The following DCLK2 variants were observed in gnomAD, a reference collection of about 807,000 sequenced individuals.
DCLK2 encodes the protein doublecortin like kinase 2.
A neutral mutation model predicts 78.4 loss-of-function variants in DCLK2; 31 were observed. That is an observed-to-expected ratio of 0.40 (90% CI 0.30 to 0.53). DCLK2 has a LOEUF of 0.53. Ranked by LOEUF, DCLK2 falls within the 20% of genes least tolerant of loss-of-function variation. The pLI is 0.61. For missense variants in DCLK2, 872 were observed against 973.7 expected, an observed-to-expected ratio of 0.90 and a Z score of 1.39; for synonymous variants, 407 against 374.9, an observed-to-expected ratio of 1.09 and a Z score of -0.99.
At chr4:150,162,473 T>C (rs1319858894) in intron 2 of DCLK2, among the ~76,000 whole-genome samples, 1 of 152,202 alleles carries the variant, frequency 6.6e-6, no homozygotes, top group Non-Finnish European at 1.5e-5. Context: ...ACTTTCCTCA[T>C]AAAATTTCCA....
intron 2 of DCLK2, among the ~76,000 whole-genome samples, chr4:150,106,665 A>G (rs1731278283): frequency 1.3e-5 from 2 of 152,238 alleles, no homozygotes; most frequent in African/African-American, 4.8e-5. Context: ...TGACTGCATC[A>G]TGACACCTGT....
intron 5 of DCLK2, among the ~76,000 whole-genome samples, chr4:150,215,086 AT>A (rs1160768540): frequency 6.6e-6 from 1 of 152,180 alleles, no homozygotes; most frequent in Non-Finnish European, 1.5e-5. Context: ...TATTTCCTAG[AT>A]TCTGTTCAAG....
At position 150,105,529 on chromosome 4, in the gene DCLK2, G is replaced by A. The variant is rs1289658727; in HGVS notation, c.756+2717G>A. 3.3e-5 allele frequency among the ~76,000 whole-genome samples: 5 copies of A among 152,182 alleles called. No homozygotes were observed. The East Asian group carries it at 7.7e-4, about 23-fold the overall frequency. On this transcript the variant is annotated intron_variant, in intron 2 of 15. Transcript: ENST00000296550. ...GGTATTCTCAAATGGTGATGGAAGT[G>A]TAAAATTCATAAGCTTTATGAAAAG...
chr4:150,078,933 G>C lies in DCLK2; in HGVS notation c.-95G>C. On this transcript the variant is annotated 5_prime_UTR_variant, in exon 1 of 16. Coordinates refer to ENST00000296550, the MANE Select transcript of DCLK2 (RefSeq NM_001040260.4). ...ATGCCAGAGCCAGGTGTCCCGGCGC[G>C]TTAAGGGCCCTCGCAGTCAGACGTC... 1.4e-6 allele frequency: 2 copies of C among 1,396,624 alleles called. No homozygotes were observed. The highest frequency in any genetic ancestry group is 1.9e-6 in the Non-Finnish European group (2 of 1,066,724). 86.5% of individuals were successfully genotyped at this position (1,396,624 alleles called of 1,614,324 possible). A position where few individuals can be genotyped will look rare whatever the true frequency, so the allele number is the denominator to read the frequency against.
intron 2 of DCLK2, among the ~76,000 whole-genome samples, chr4:150,190,576 A>G (rs1269166300): frequency 6.6e-6 from 1 of 152,204 alleles, no homozygotes; most frequent in Admixed American, 6.5e-5. Flanking sequence ...TTCCGTATAC[A>G]TGAAGTGTCC....
At chr4:150,208,341 T>C (rs920866141) in intron 5 of DCLK2, among the ~76,000 whole-genome samples, 1 of 152,228 alleles carries the variant, frequency 6.6e-6, no homozygotes, top group Admixed American at 6.5e-5. Flanking sequence ...GTGTAAAAAC[T>C]GGAAGTAGTT....
chr4:150,246,666 T>A (rs903919653), intron 12 of DCLK2, among the ~76,000 whole-genome samples: 10 of 110,576 alleles, frequency 9.0e-5, no homozygotes, highest in Non-Finnish European at 2.1e-5. Context: ...TAGCCATCGA[T>A]GCACCCACCA....
chr4:150,242,186 C>T (rs934205216), intron 12 of DCLK2, among the ~76,000 whole-genome samples: 2 of 152,124 alleles, frequency 1.3e-5, no homozygotes, highest in Admixed American at 6.6e-5. Context: ...CTTTTGAAAG[C>T]CTTATGCTAT....
chr4:150,195,846 C>T (rs898247736), intron 3 of DCLK2, among the ~76,000 whole-genome samples: 20 of 151,890 alleles, frequency 1.3e-4, no homozygotes, highest in African/African-American at 4.6e-4. Flanking sequence ...ATAATAATGG[C>T]TATAAGGTTT....
intron 2 of DCLK2, among the ~76,000 whole-genome samples, chr4:150,146,678 A>G (rs1162137691): frequency 1.3e-5 from 2 of 152,178 alleles, no homozygotes; most frequent in Non-Finnish European, 2.9e-5. Flanking sequence ...AGTGCCTAGC[A>G]TAGTGCCTGC....
chr4:150,118,411 G>A (rs7665011), intron 2 of DCLK2, among the ~76,000 whole-genome samples: 59,225 of 151,966 alleles, frequency 0.39, 11,797 homozygotes, highest in Non-Finnish European at 0.42. Context: ...CTAGACAAAA[G>A]GATGACCCTT....
chr4:150,224,397 ATCTCT>A, intron 7 of DCLK2, 99 bp from the exon 8 acceptor site: 1 of 1,030,460 alleles, frequency 9.7e-7, no homozygotes, highest in Non-Finnish European at 1.4e-6. Flanking sequence ...ATGAGATCTC[ATCTCT>A]ACAAAAAAAA....
chr4:150,219,331 C>T (rs1275152265), intron 5 of DCLK2, among the ~76,000 whole-genome samples: 9 of 133,732 alleles, frequency 6.7e-5, no homozygotes, highest in Admixed American at 6.7e-4. Flanking sequence ...CACAGTGGTA[C>T]GATCTCAGCT....
At position 150,167,051 on chromosome 4, in the gene DCLK2, G is replaced by A. The variant is rs143366238; in HGVS notation, c.757-26087G>A. Among the ~76,000 whole-genome samples, 323 of 152,256 alleles carry A rather than the reference G, an allele frequency of 2.1e-3. 2 individuals carry two copies. In the Middle Eastern group the frequency reaches 0.031, roughly 15 times the overall value. On this transcript the variant is annotated intron_variant, in intron 2 of 15. Coordinates refer to ENST00000296550, the MANE Select transcript of DCLK2 (RefSeq NM_001040260.4). ...GGGAGGCACTTACTGGGGTGGGGTCGAGGTAATTCTCTTTGATATTCAGGA... is the reference window on the plus strand; with the variant it reads ...GGGAGGCACTTACTGGGGTGGGGTCAAGGTAATTCTCTTTGATATTCAGGA...
At chr4:150,170,350 T>C (rs921215838) in intron 2 of DCLK2, among the ~76,000 whole-genome samples, 4 of 152,146 alleles carry the variant, frequency 2.6e-5, no homozygotes, top group African/African-American at 4.8e-5. Context: ...GGCCAGTTTT[T>C]TTTTAAAAGA....
At chr4:150,226,656 A>G (rs143835671) in intron 8 of DCLK2, among the ~76,000 whole-genome samples, 71 of 152,354 alleles carry the variant, frequency 4.7e-4, no homozygotes, top group Admixed American at 7.2e-4. Flanking sequence ...GCAAATGGAT[A>G]AGTCAGTTCT....
rs28561605 is a variant in DCLK2, at chr4:150,168,019, C to T, written c.757-25119C>T. Among the ~76,000 whole-genome samples, 555 of 152,234 alleles carry T rather than the reference C, an allele frequency of 3.6e-3. 4 individuals carry two copies. The highest frequency in any genetic ancestry group is 0.012 in the African/African-American group (519 of 41,540). On this transcript the variant is annotated intron_variant, in intron 2 of 15. Transcript: ENST00000296550. ...GGGAAGAACTGGGGGAGAAGGAGGG[C>T]GCAAGACCCCAGAAGCATGCCAACG...
intron 8 of DCLK2, 106 bp from the exon 9 acceptor site, chr4:150,232,231 T>A (rs546847185): frequency 3.6e-6 from 5 of 1,389,572 alleles, no homozygotes; most frequent in East Asian, 2.3e-5. Flanking sequence ...CAATGCTTTC[T>A]TTGGCATCAG....
chr4:150,082,471 CCTTGAGAGTCT>C (rs1395910179), intron 1 of DCLK2, among the ~76,000 whole-genome samples: 22 of 152,142 alleles, frequency 1.4e-4, no homozygotes, highest in Non-Finnish European at 7.3e-5. Context: ...CTGCCCTTGA[CCTTGAGAGTCT>C]CTGGAGACTA....
Sources: gnomAD v4.1 joint callset for allele counts (sites outside exome capture counted in the v4.1 genomes callset) on GRCh38, gnomAD v4.1.1 for gene constraint, MANE v1.5 for transcripts, NCBI Gene and HGNC (gene_info 2026-07-23, HGNC 2026-07-21) for gene names.